The following CADM1 variants were observed in gnomAD, a reference collection of about 807,000 sequenced individuals.
The protein encoded by CADM1 is TSLC-1.
In CADM1, 15 loss-of-function variants were observed where a neutral mutation model predicts 53.1. The observed-to-expected ratio is 0.28, with a 90% CI of 0.19 to 0.44. The LOEUF is 0.44. Among genes scored for constraint, CADM1 ranks in the 20% least tolerant of loss-of-function variants. CADM1 has a pLI of 1.00. For synonymous variants in CADM1, 281 were observed against 243.0 expected, an observed-to-expected ratio of 1.16 and a Z score of -1.45; for missense variants, 434 against 611.3, an observed-to-expected ratio of 0.71 and a Z score of 3.06.
At chr11:115,330,117 T>A (rs987372837) in intron 1 of CADM1, among the ~76,000 whole-genome samples, 21 of 151,628 alleles carry the variant, frequency 1.4e-4, no homozygotes, top group Non-Finnish European at 2.7e-4. Flanking sequence ...GGCTTGAGAG[T>A]GGGGCCTTTG....
At chr11:115,254,734 G>A (rs1214606079) in intron 1 of CADM1, among the ~76,000 whole-genome samples, 13 of 152,070 alleles carry the variant, frequency 8.5e-5, no homozygotes, top group Admixed American at 2.0e-4. Context: ...AAGGAGGATC[G>A]TGGCATATTT....
chr11:115,348,222 C>A (rs1464409505), intron 1 of CADM1, among the ~76,000 whole-genome samples: 1 of 152,132 alleles, frequency 6.6e-6, no homozygotes, highest in Non-Finnish European at 1.5e-5. Context: ...TAAACCTTAA[C>A]TACCAGAATA....
In CADM1 at chr11:115,284,959, C is replaced by A. The variant is rs114958340; in HGVS notation, c.125-44539G>T. Among the ~76,000 whole-genome samples, 301 of 152,288 alleles carry A rather than the reference C, an allele frequency of 2.0e-3. 1 individual carries two copies. The highest frequency in any genetic ancestry group is 6.4e-3 in the African/African-American group (264 of 41,562). On this transcript the variant is annotated intron_variant, in intron 1 of 11. Coordinates refer to ENST00000331581, the MANE Select transcript of CADM1 (RefSeq NM_001301043.2). ...GAATGCCATGGAAGACAAAGAAATA[C>A]AGCTGGTTCAGTGAGTCAATCCAAC...
intron 1 of CADM1, among the ~76,000 whole-genome samples, chr11:115,339,371 A>C (rs1423651946): frequency 6.6e-6 from 1 of 152,148 alleles, no homozygotes; most frequent in African/African-American, 2.4e-5. Flanking sequence ...AAAGACTTGA[A>C]ACCAACCCAA....
At chr11:115,293,841 A>C (rs1377371903) in intron 1 of CADM1, among the ~76,000 whole-genome samples, 1 of 152,148 alleles carries the variant, frequency 6.6e-6, no homozygotes, top group Non-Finnish European at 1.5e-5. Context: ...CAAACTTTTT[A>C]TTTCTCAGGC....
intron 1 of CADM1, among the ~76,000 whole-genome samples, chr11:115,275,154 G>A (rs970080674): frequency 6.6e-6 from 1 of 152,164 alleles, no homozygotes; most frequent in Non-Finnish European, 1.5e-5. Flanking sequence ...CTAACAGCAT[G>A]GCATGGCCCC....
At chr11:115,308,194 G>GTATATATA (rs560354243) in intron 1 of CADM1, among the ~76,000 whole-genome samples, 1 of 123,968 alleles carries the variant, frequency 8.1e-6, no homozygotes, top group East Asian at 2.1e-4. Flanking sequence ...TCATAGGTGT[G>GTATATATA]TATATATATA....
At chr11:115,211,090 A>T (rs11215419) in intron 7 of CADM1, among the ~76,000 whole-genome samples, 57,535 of 151,976 alleles carry the variant, frequency 0.38, 12,976 homozygotes, top group Non-Finnish European at 0.51. Context: ...TAAGTTAGTG[A>T]TTTTAAACTA....
chr11:115,475,826 G>C (rs1949118629), intron 1 of CADM1, among the ~76,000 whole-genome samples: 1 of 152,168 alleles, frequency 6.6e-6, no homozygotes, highest in Admixed American at 6.6e-5. Flanking sequence ...CCGGGTGAGT[G>C]AGGAAACTGT....
intron 1 of CADM1, among the ~76,000 whole-genome samples, chr11:115,347,402 A>G (rs1945609437): frequency 6.6e-6 from 1 of 152,310 alleles, no homozygotes; most frequent in African/African-American, 2.4e-5. Flanking sequence ...AGCACCTCCC[A>G]TCACTCAATT....
intron 1 of CADM1, among the ~76,000 whole-genome samples, chr11:115,328,729 TATAC>T (rs1945047130): frequency 8.8e-6 from 1 of 113,848 alleles, no homozygotes; most frequent in African/African-American, 3.5e-5. Flanking sequence ...TATATATGTA[TATAC>T]ATATATATAT....
chr11:115,334,197 A>G (rs2135225533), intron 1 of CADM1, among the ~76,000 whole-genome samples: 1 of 152,320 alleles, frequency 6.6e-6, no homozygotes, highest in Non-Finnish European at 1.5e-5. Flanking sequence ...CACATCACAC[A>G]GAACTACAGT....
At chr11:115,286,487 C>T (rs1173482652) in intron 1 of CADM1, among the ~76,000 whole-genome samples, 2 of 152,204 alleles carry the variant, frequency 1.3e-5, no homozygotes, top group East Asian at 1.9e-4. Context: ...AGTTTAAATG[C>T]AGTGACCTGA....
chr11:115,254,202 A>G (rs1942700156), intron 1 of CADM1, among the ~76,000 whole-genome samples: 1 of 152,200 alleles, frequency 6.6e-6, no homozygotes, highest in African/African-American at 2.4e-5. Flanking sequence ...TAAGAGGGCG[A>G]ATGTTAATAA....
chr11:115,466,867 T>C (rs1333828698), intron 1 of CADM1, among the ~76,000 whole-genome samples: 1 of 152,138 alleles, frequency 6.6e-6, no homozygotes, highest in Admixed American at 6.6e-5. Flanking sequence ...GTCTCAGATT[T>C]TGCACAACCC....
chr11:115,250,170 TG>T (rs1942553717), intron 1 of CADM1, among the ~76,000 whole-genome samples: 1 of 152,236 alleles, frequency 6.6e-6, no homozygotes, highest in South Asian at 2.1e-4. Flanking sequence ...CGCAAAGTGC[TG>T]GGATTACAAG....
chr11:115,503,505 G>A, intron 1 of CADM1, among the ~76,000 whole-genome samples: 1 of 152,198 alleles, frequency 6.6e-6, no homozygotes, highest in East Asian at 2.0e-4. Context: ...AGGACGCTGT[G>A]GGGCGGGCGG....
chr11:115,204,400 C>T (rs1591601457), intron 8 of CADM1, among the ~76,000 whole-genome samples: 1 of 152,322 alleles, frequency 6.6e-6, no homozygotes, highest in East Asian at 1.9e-4. Flanking sequence ...TGTGTGTAAC[C>T]TGTTCTCGCA....
chr11:115,447,913 G>C (rs929592273), intron 1 of CADM1, among the ~76,000 whole-genome samples: 4 of 152,174 alleles, frequency 2.6e-5, no homozygotes, highest in African/African-American at 9.7e-5. Flanking sequence ...TTTCTTAGGT[G>C]CTCTTTCTTA....
Sources: gnomAD v4.1 joint callset for allele counts (sites outside exome capture counted in the v4.1 genomes callset) on GRCh38, gnomAD v4.1.1 for gene constraint, MANE v1.5 for transcripts, NCBI Gene and HGNC (gene_info 2026-07-23, HGNC 2026-07-21) for gene names.